The following ITGA9 variants were observed in gnomAD, a reference collection of about 807,000 sequenced individuals.
The protein encoded by ITGA9 is integrin alpha-9.
In ITGA9, 56 loss-of-function variants were observed where a neutral mutation model predicts 127.8. The ratio of observed to expected loss-of-function variants is 0.44; its 90% confidence interval spans 0.35 to 0.55. The LOEUF is 0.55. Among genes scored for constraint, ITGA9 ranks in the 20% least tolerant of loss-of-function variants. The pLI is 0.00. For missense variants in ITGA9, 1,196 were observed against 1,347.1 expected (o/e 0.89, Z 1.76); for synonymous variants, 508 against 514.5 (o/e 0.99, Z 0.17).
At chr3:37,777,237 C>A (rs1384535885) in intron 23 of ITGA9, among the ~76,000 whole-genome samples, 155 bp from the exon 24 acceptor site, 2 of 152,176 alleles carry the variant, frequency 1.3e-5, no homozygotes, top group African/African-American at 2.4e-5. Flanking sequence ...ACAACTTCTG[C>A]CTTTCAGCTT....
At chr3:37,627,263 C>T (rs879496196) in intron 15 of ITGA9, among the ~76,000 whole-genome samples, 16 of 152,182 alleles carry the variant, frequency 1.1e-4, no homozygotes, top group Admixed American at 7.9e-4. Context: ...GCTCCCACCC[C>T]GGGAGTCATC....
intron 23 of ITGA9, among the ~76,000 whole-genome samples, chr3:37,772,325 T>G (rs1003768989): frequency 1.3e-5 from 2 of 152,014 alleles, no homozygotes; most frequent in Non-Finnish European, 1.5e-5. Flanking sequence ...GGAGAATTAC[T>G]TGAACCCAGG....
intron 17 of ITGA9, among the ~76,000 whole-genome samples, chr3:37,659,155 T>C (rs567615278): frequency 6.6e-6 from 1 of 152,308 alleles, no homozygotes; most frequent in African/African-American, 2.4e-5. Flanking sequence ...ATTATGTGTC[T>C]TGAGGTTGGT....
At chr3:37,795,671 T>TC (rs1163381289) in intron 26 of ITGA9, among the ~76,000 whole-genome samples, 1 of 152,142 alleles carries the variant, frequency 6.6e-6, no homozygotes, top group East Asian at 1.9e-4. Flanking sequence ...CCATCAGCCA[T>TC]CCCTTCACTG....
intron 27 of ITGA9, chr3:37,808,109 C>G (rs76893170): frequency 6.6e-6 from 1 of 152,240 alleles, no homozygotes; most frequent in East Asian, 1.9e-4. Context: ...CCGCATCATT[C>G]TCTTCCCACC....
intron 27 of ITGA9, among the ~76,000 whole-genome samples, chr3:37,816,505 C>T (rs1697434628): frequency 6.6e-6 from 1 of 152,216 alleles, no homozygotes; most frequent in Non-Finnish European, 1.5e-5. Context: ...TAGCCAACCA[C>T]ATCTTTATCG....
In ITGA9 at chr3:37,823,089, C is replaced by T. The variant is rs2125572217; in HGVS notation, c.*4100C>T. 6.6e-6 allele frequency: 1 copy of T among 152,242 alleles called. No homozygotes were observed. Among genetic ancestry groups the T allele is most frequent in the African/African-American group, 2.4e-5 (1 of 41,556 alleles). The allele number at this position is 152,242 out of a possible 1,614,324, so 9.4% of individuals were successfully genotyped here. A position where few individuals can be genotyped will look rare whatever the true frequency, so the allele number is the denominator to read the frequency against. ...CAGAGCCAGTAGGGCCAAAATGAAA[C>T]TTCTAGGATGTCTTCTGAATTTTCA... On this transcript the variant is annotated 3_prime_UTR_variant, in exon 28 of 28. Coordinates refer to ENST00000264741, the MANE Select transcript of ITGA9 (RefSeq NM_002207.3).
rs1397578374 is a variant in ITGA9, at chr3:37,822,448, G to T, written c.*3459G>T. On this transcript the variant is annotated 3_prime_UTR_variant, in exon 28 of 28. Coordinates refer to ENST00000264741, the MANE Select transcript of ITGA9 (RefSeq NM_002207.3). ...AGAAACAAGGGGACACTAGCAGGAG[G>T]GGCAGGGTCCACTGGCTTAGTGGCA... 6.6e-6 allele frequency: 1 copy of T among 150,632 alleles called. No individual in the cohort carries two copies. The highest frequency in any genetic ancestry group is 1.5e-5 in the Non-Finnish European group (1 of 67,140). 9.3% of individuals were successfully genotyped at this position (150,632 alleles called of 1,614,324 possible). A position where few individuals can be genotyped will look rare whatever the true frequency, so the allele number is the denominator to read the frequency against.
intron 27 of ITGA9, 92 bp downstream of exon 27, chr3:37,804,034 A>C: frequency 6.3e-7 from 1 of 1,584,998 alleles, no homozygotes; most frequent in Non-Finnish European, 8.7e-7. Flanking sequence ...ATCCTGTTAG[A>C]GCTTCCTTCA....
chr3:37,481,515 A>C lies in ITGA9; in HGVS notation c.452A>C (p.Tyr151Ser). The change falls in exon 4 of 28, where the codon TAT (tyrosine) becomes TCT (serine). Residue 151 changes from tyrosine to serine, a missense_variant. Coordinates refer to ENST00000264741, the MANE Select transcript of ITGA9 (RefSeq NM_002207.3). The part of the protein sequence containing the change: ...ACAHRWKNIY[Y>S]EADHILPHGF... ...GCTCATCGCTGGAAGAACATCTACT[A>C]TGAAGCCGACCACATCCTACCCCAT... 1 of 1,614,158 alleles carries C rather than the reference A, an allele frequency of 6.2e-7. No individual in the cohort carries two copies. The highest frequency in any genetic ancestry group is 8.5e-7 in the Non-Finnish European group (1 of 1,180,026).
rs375049189 is a variant in ITGA9 at position 37,627,432 on chromosome 3, A to C, written c.1690-1755A>C. On this transcript the variant is annotated intron_variant, in intron 15 of 27. Transcript: ENST00000264741. Reference sequence around the variant, plus strand: ...TCTGCCCTCCAGTGTCTCTGCATGCATTCTACTCACCTCCTCTCCCCCCGC... The same window carrying C: ...TCTGCCCTCCAGTGTCTCTGCATGCCTTCTACTCACCTCCTCTCCCCCCGC... Among the ~76,000 whole-genome samples, 15 of 152,166 alleles carry C rather than the reference A, an allele frequency of 9.9e-5. No individual in the cohort carries two copies. The East Asian group carries it at 2.3e-3, about 24-fold the overall frequency.
chr3:37,491,090 C>G (rs904569566), intron 4 of ITGA9, among the ~76,000 whole-genome samples: 1 of 151,846 alleles, frequency 6.6e-6, no homozygotes, highest in Non-Finnish European at 1.5e-5. Flanking sequence ...CATCCTCCCA[C>G]CTCAGCCTCC....
intron 1 of ITGA9, among the ~76,000 whole-genome samples, chr3:37,458,332 T>C (rs1698282215): frequency 6.6e-6 from 1 of 152,104 alleles, no homozygotes; most frequent in African/African-American, 2.4e-5. Flanking sequence ...AGGACAGAGA[T>C]AGGAGTGTGA....
intron 23 of ITGA9, among the ~76,000 whole-genome samples, chr3:37,752,060 GC>G (rs1229433367): frequency 6.6e-6 from 1 of 152,224 alleles, no homozygotes; most frequent in Non-Finnish European, 1.5e-5. Flanking sequence ...TGCATGAGGT[GC>G]TGTAGTGAAG....
intron 1 of ITGA9, among the ~76,000 whole-genome samples, chr3:37,468,726 G>A (rs1698397542): frequency 6.6e-6 from 1 of 152,160 alleles, no homozygotes; most frequent in African/African-American, 2.4e-5. Flanking sequence ...CCTAACCTCT[G>A]CTAAACACCT....
At chr3:37,669,684 G>A (rs1406561998) in intron 17 of ITGA9, among the ~76,000 whole-genome samples, 1 of 152,180 alleles carries the variant, frequency 6.6e-6, no homozygotes, top group African/African-American at 2.4e-5. Flanking sequence ...TGCCCTCTTG[G>A]AATTGCAGAG....
intron 9 of ITGA9, among the ~76,000 whole-genome samples, chr3:37,516,801 T>C (rs1698988066): frequency 6.6e-6 from 1 of 152,190 alleles, no homozygotes; most frequent in South Asian, 2.1e-4. Flanking sequence ...ATCACTCTGG[T>C]CTTCATGTGT....
At chr3:37,752,262 G>T (rs1696595832) in intron 23 of ITGA9, among the ~76,000 whole-genome samples, 2 of 152,218 alleles carry the variant, frequency 1.3e-5, no homozygotes, top group South Asian at 4.1e-4. Context: ...TTTGAATGGA[G>T]CAGGGCTTTC....
At chr3:37,744,602 C>T (rs1696478361) in intron 22 of ITGA9, among the ~76,000 whole-genome samples, 2 of 152,222 alleles carry the variant, frequency 1.3e-5, no homozygotes, top group Non-Finnish European at 2.9e-5. Flanking sequence ...TCCAGCAAGT[C>T]CACTTGGTGT....
Sources: allele counts gnomAD v4.1 joint callset (sites outside exome capture counted in the v4.1 genomes callset), GRCh38; gene constraint gnomAD v4.1.1; transcripts MANE v1.5; gene names NCBI Gene and HGNC (gene_info 2026-07-23, HGNC 2026-07-21).